SLC20A2: variants seen among roughly 807,000 people sequenced by gnomAD.
SLC20A2 encodes the protein sodium-dependent phosphate transporter 2.
Under a neutral mutation model 61.0 loss-of-function variants are expected in SLC20A2, and 30 were observed. The ratio of observed to expected loss-of-function variants is 0.49; its 90% CI spans 0.37 to 0.67. The LOEUF (loss-of-function observed/expected upper bound fraction) is 0.67, where lower values mean the gene tolerates loss of function less well. Among genes scored for constraint, SLC20A2 ranks in the 30% least tolerant of loss-of-function variants. The probability of loss-of-function intolerance (pLI) is 0.00; values close to 1 mark genes in which losing one functional copy is unlikely to be tolerated. For synonymous variants in SLC20A2, 351 were observed against 353.3 expected (o/e 0.99, Z 0.07); for missense variants, 626 against 866.4 (o/e 0.72, Z 3.48).
At chr8:42,496,674 T>G (rs978504337) in intron 1 of SLC20A2, among the ~76,000 whole-genome samples, 2 of 152,242 alleles carry the variant, frequency 1.3e-5, no homozygotes, top group Non-Finnish European at 2.9e-5. Context: ...TGATAAAATG[T>G]GTCCCTCTCC....
At chr8:42,429,470 TA>T (rs1403666939) in intron 9 of SLC20A2, among the ~76,000 whole-genome samples, 1 of 152,176 alleles carries the variant, frequency 6.6e-6, no homozygotes, top group Non-Finnish European at 1.5e-5. Context: ...CCACATGTTT[TA>T]AAAAGACAGA....
upstream of SLC20A2, chr8:42,541,933 G>A (rs886882710): frequency 2.0e-5 from 3 of 152,214 alleles, no homozygotes; most frequent in Non-Finnish European, 4.4e-5. Context: ...AGCGCACACG[G>A]GCCAGTTGCG....
chr8:42,486,790 T>C (rs929288874), intron 1 of SLC20A2, among the ~76,000 whole-genome samples: 7 of 152,240 alleles, frequency 4.6e-5, no homozygotes, highest in Non-Finnish European at 7.3e-5. Flanking sequence ...TAACTGAATT[T>C]GGCTAAGTTG....
At chr8:42,451,511 T>G (rs1454092702) in intron 5 of SLC20A2, among the ~76,000 whole-genome samples, 32 of 101,506 alleles carry the variant, frequency 3.2e-4, no homozygotes, top group African/African-American at 3.1e-4. Context: ...AAGGAAGAGA[T>G]GAGGAGGAGG....
At chr8:42,466,408 TCTC>T (rs755965252) in intron 2 of SLC20A2, among the ~76,000 whole-genome samples, 50 of 152,138 alleles carry the variant, frequency 3.3e-4, no homozygotes, top group Non-Finnish European at 6.3e-4. Flanking sequence ...TAAAGGCAAG[TCTC>T]CTGGTGCTAC....
chr8:42,510,965 T>C (rs774820599), intron 1 of SLC20A2, among the ~76,000 whole-genome samples: 5 of 152,160 alleles, frequency 3.3e-5, no homozygotes, highest in Non-Finnish European at 7.4e-5. Context: ...GAATTCCTAG[T>C]TAAACCACCT....
At chr8:42,495,937 A>AG (rs998214343) in intron 1 of SLC20A2, among the ~76,000 whole-genome samples, 4 of 152,098 alleles carry the variant, frequency 2.6e-5, no homozygotes, top group African/African-American at 9.7e-5. Context: ...TTTGGTAGAG[A>AG]GGGGGTTTCA....
chr8:42,476,929 A>G (rs1318163254), intron 1 of SLC20A2, among the ~76,000 whole-genome samples: 3 of 152,208 alleles, frequency 2.0e-5, no homozygotes, highest in Non-Finnish European at 4.4e-5. Flanking sequence ...AGTCACCTCA[A>G]TGACTCACCT....
intron 1 of SLC20A2, among the ~76,000 whole-genome samples, chr8:42,520,160 C>A (rs190330780): frequency 1.5e-3 from 220 of 151,054 alleles, no homozygotes; most frequent in African/African-American, 5.0e-3. Context: ...ATTACAGGCA[C>A]CCACCATCAC....
At position 42,529,188 on chromosome 8, in the gene SLC20A2, T is replaced by TC. The variant is rs1586279106; in HGVS notation, c.-265+12632_-265+12633insG. Among the ~76,000 whole-genome samples, 5 of 152,038 alleles carry TC rather than the reference T, an allele frequency of 3.3e-5. No homozygotes were observed. In the East Asian group the frequency reaches 9.7e-4, roughly 29 times the overall value. On this transcript the variant is annotated intron_variant, in intron 1 of 10. Transcript: ENST00000342228. ...CTTGCTATGTTAACTAGGCTGCTCT[T>TC]GAACTCCAAGGCTCAAGTGATCCTC...
At position 42,437,266 on chromosome 8, in the gene SLC20A2, G is replaced by A. The variant is rs1364070246; in HGVS notation, c.1246C>T (p.Leu416=). 6.2e-7 allele frequency: 1 copy of A among 1,613,994 alleles called. No individual in the cohort carries two copies. The highest frequency in any genetic ancestry group is 1.1e-5 in the South Asian group (1 of 91,082). The change falls in exon 8 of 11, where the codon CTG becomes TTG. Residue 416 remains leucine (L), a synonymous_variant. Transcript: ENST00000520262. The surrounding 1 kb of genome is among the most constrained non-coding windows in gnomAD (Gnocchi z 6.4). ...DSSAPEDSEK[L]VGDTVSYSKK... is the part of the protein sequence containing the mutation. ...GAGTAGGACACGGTGTCGCCCACCA[G>A]CTTCTCACTGTCCTCTGGGGCCGAT...
In SLC20A2 at chr8:42,437,284, G is replaced by A; in HGVS notation, c.1228C>T (p.Pro410Ser). The change falls in exon 8 of 11, where the codon CCA becomes TCA. Residue 410 changes from proline (P) to serine (S), a missense_variant. Coordinates refer to ENST00000520262, the MANE Select transcript of SLC20A2 (RefSeq NM_001257180.2). The surrounding 1 kb of genome is among the most constrained non-coding windows in gnomAD (Gnocchi z 6.4). ...ATFRAADSSAPEDSEKLVGDT... is the reference protein window; with the variant it reads ...ATFRAADSSASEDSEKLVGDT... ...CCCACCAGCTTCTCACTGTCCTCTG[G>A]GGCCGATGAGTCCGCAGCTCGAAAG... The A allele has an allele frequency of 6.2e-7, 1 of 1,614,108 alleles. No homozygotes were observed. Among genetic ancestry groups the A allele is most frequent in the Non-Finnish European group, 8.5e-7 (1 of 1,180,032 alleles).
At position 42,475,002 on chromosome 8, in the gene SLC20A2, G is replaced by A. The variant is rs375636777; in HGVS notation, c.-264-2348C>T. On this transcript the variant is annotated intron_variant, in intron 1 of 10. Transcript: ENST00000520262. ...GGGGCCAGGAGGCAGGCCCGGGTGAGGGGAACCAGGATGAAGGTCGGGTGG... is the reference window on the plus strand; with the variant it reads ...GGGGCCAGGAGGCAGGCCCGGGTGAAGGGAACCAGGATGAAGGTCGGGTGG... Among the ~76,000 whole-genome samples the A allele has an allele frequency of 4.2e-4, 64 of 152,244 alleles. No individual in the cohort carries two copies. The East Asian group carries it at 0.01, about 25-fold the overall frequency.
At chr8:42,515,921 T>C (rs369882878) in intron 1 of SLC20A2, among the ~76,000 whole-genome samples, 29 of 152,352 alleles carry the variant, frequency 1.9e-4, no homozygotes, top group African/African-American at 6.3e-4. Context: ...CAGGTCGGTA[T>C]GCAAGCTTGG....
intron 1 of SLC20A2, among the ~76,000 whole-genome samples, chr8:42,519,583 C>T (rs1811522367): frequency 6.6e-6 from 1 of 152,148 alleles, no homozygotes; most frequent in Non-Finnish European, 1.5e-5. Flanking sequence ...AGAACTACTG[C>T]TTTTTATATT....
intron 6 of SLC20A2, among the ~76,000 whole-genome samples, chr8:42,440,682 C>A (rs1468077118): frequency 6.6e-6 from 1 of 152,214 alleles, no homozygotes; most frequent in Non-Finnish European, 1.5e-5. Context: ...ATATAAGAAG[C>A]TGCCAAACAG....
intron 10 of SLC20A2, among the ~76,000 whole-genome samples, chr8:42,428,524 C>T (rs540151716): frequency 9.8e-5 from 15 of 152,364 alleles, no homozygotes; most frequent in African/African-American, 3.4e-4. Context: ...CAGGCCAGCC[C>T]TGGCATTCTG....
intron 1 of SLC20A2, among the ~76,000 whole-genome samples, chr8:42,509,221 T>C (rs975780455): frequency 1.3e-5 from 2 of 152,228 alleles, no homozygotes; most frequent in Non-Finnish European, 2.9e-5. Context: ...CCAAGAACAG[T>C]ACCTGGTATG....
intron 10 of SLC20A2, among the ~76,000 whole-genome samples, chr8:42,418,914 C>A (rs1382416835): frequency 6.8e-6 from 1 of 146,500 alleles, no homozygotes; most frequent in East Asian, 2.1e-4. Context: ...GGGAGAATGG[C>A]GTGAACCTGG....
Sources: allele counts gnomAD v4.1 joint callset (sites outside exome capture counted in the v4.1 genomes callset), GRCh38; gene constraint gnomAD v4.1.1; non-coding constraint Gnocchi (gnomAD v3.1); transcripts MANE v1.5; gene names NCBI Gene and HGNC (gene_info 2026-07-23, HGNC 2026-07-21).